IFT81: variants seen among roughly 807,000 people sequenced by gnomAD.
IFT81 encodes intraflagellar transport protein 81 homolog.
A neutral mutation model predicts 102.6 loss-of-function variants in IFT81; 72 were observed. The observed-to-expected ratio is 0.70, with a 90% CI of 0.58 to 0.85. IFT81 has a LOEUF of 0.85. Among genes scored for constraint, IFT81 ranks in the 40% least tolerant of loss-of-function variants. The probability of loss-of-function intolerance (pLI) is 0.00; values close to 1 mark genes in which losing one functional copy is unlikely to be tolerated. For synonymous variants in IFT81, 237 were observed against 242.7 expected, an observed-to-expected ratio of 0.98 and a Z score of 0.22; for missense variants, 723 against 787.3, an observed-to-expected ratio of 0.92 and a Z score of 0.98.
chr12:110,175,750 G>A (rs1897007578), intron 11 of IFT81, among the ~76,000 whole-genome samples: 1 of 152,036 alleles, frequency 6.6e-6, no homozygotes, highest in Non-Finnish European at 1.5e-5. Flanking sequence ...CCAACACTTG[G>A]TATTGAAAGA....
At chr12:110,184,219 G>A (rs1897423366) in intron 12 of IFT81, among the ~76,000 whole-genome samples, 2 of 151,954 alleles carry the variant, frequency 1.3e-5, no homozygotes, top group Admixed American at 6.6e-5. Context: ...GCGTGGTGGC[G>A]GGCACCTGTA....
In IFT81 at chr12:110,162,947, C is replaced by A; in HGVS notation, c.1070C>A (p.Ala357Asp). 6.2e-7 allele frequency: 1 copy of A among 1,613,356 alleles called. No homozygotes were observed. Among genetic ancestry groups the A allele is most frequent in the Non-Finnish European group, 8.5e-7 (1 of 1,179,726 alleles). ...QASIISRKKE[A>D]KAEELQEAKE... ...TCTATCATTTCCCGTAAAAAAGAAG[C>A]CAAAGCTGAGGAACTTCAGGAGGCC... Residue 357 changes from alanine to aspartate, a missense_variant, in exon 11 of 19, where the codon GCC becomes GAC. By Grantham distance (126) the Ala-to-Asp change is moderately radical. Coordinates refer to ENST00000242591, the MANE Select transcript of IFT81 (RefSeq NM_014055.4).
chr12:110,152,634 G>A (rs1895605411), intron 10 of IFT81, among the ~76,000 whole-genome samples: 1 of 151,538 alleles, frequency 6.6e-6, no homozygotes, highest in South Asian at 2.1e-4. Context: ...TTAGAGATAG[G>A]GTCTCACTCT....
intron 5 of IFT81, among the ~76,000 whole-genome samples, chr12:110,134,174 A>AT (rs1183365902): frequency 6.6e-6 from 1 of 152,128 alleles, no homozygotes; most frequent in African/African-American, 2.4e-5. Flanking sequence ...CTAGTTTTGT[A>AT]TTTTTAGTAG....
intron 11 of IFT81, among the ~76,000 whole-genome samples, chr12:110,165,304 A>G (rs1896375245): frequency 6.6e-6 from 1 of 152,200 alleles, no homozygotes; most frequent in Non-Finnish European, 1.5e-5. Context: ...TGATAAAGTG[A>G]TAGGCCATAT....
intron 13 of IFT81, 139 bp downstream of exon 13, chr12:110,191,187 T>G: frequency 1.3e-6 from 1 of 797,508 alleles, no homozygotes; most frequent in Non-Finnish European, 1.8e-6. Flanking sequence ...TTTTTTCTTT[T>G]TGAGGCAGAG....
At chr12:110,149,899 A>T (rs983601946) in intron 10 of IFT81, among the ~76,000 whole-genome samples, 1 of 151,904 alleles carries the variant, frequency 6.6e-6, no homozygotes, top group Non-Finnish European at 1.5e-5. Flanking sequence ...GGCATGGCAG[A>T]CCAGGGTGGT....
rs1486033806 is a variant in IFT81, at chr12:110,128,148, A to G, written c.247A>G (p.Met83Val). 2.5e-6 allele frequency: 4 copies of G among 1,585,138 alleles called. No individual in the cohort carries two copies. Among genetic ancestry groups the G allele is most frequent in the African/African-American group, 1.3e-5 (1 of 74,496 alleles). ...CAAACCTTCAGGAAATGCCACAGAT[A>G]TGTAAGAATCTGATCACGTATTGAG... is the stretch of plus-strand genomic sequence containing the variant. ...KYKPSGNATD[M>V]STFRQGLVIG... Residue 83 changes from methionine (M) to valine (V), a missense_variant and splice_region_variant, in exon 3 of 19, where the codon ATG becomes GTG. Physicochemically the swap from Met to Val is conservative, Grantham distance 21. Coordinates refer to ENST00000242591, the MANE Select transcript of IFT81 (RefSeq NM_014055.4).
At chr12:110,191,973 C>T (rs1255581064) in intron 13 of IFT81, among the ~76,000 whole-genome samples, 3 of 152,054 alleles carry the variant, frequency 2.0e-5, no homozygotes, top group African/African-American at 7.2e-5. Context: ...GAGTTCGAGA[C>T]CAGCCTGGCC....
chr12:110,167,226 A>G (rs1457436749), intron 11 of IFT81, among the ~76,000 whole-genome samples: 1 of 152,134 alleles, frequency 6.6e-6, no homozygotes, highest in African/African-American at 2.4e-5. Context: ...TTCTGGAAGT[A>G]CTTCCCCCCC....
chr12:110,130,365 C>CTTTT (rs557142989), intron 4 of IFT81, among the ~76,000 whole-genome samples: 1 of 139,124 alleles, frequency 7.2e-6, no homozygotes, highest in Non-Finnish European at 1.6e-5. Flanking sequence ...TTGATTAAGT[C>CTTTT]TTTTTTTTTT....
intron 11 of IFT81, chr12:110,168,619 C>T (rs1357577605): frequency 5.2e-6 from 1 of 190,942 alleles, no homozygotes; most frequent in Admixed American, 6.5e-5. Flanking sequence ...TGCCAGAGTC[C>T]CACATGAGGG....
intron 12 of IFT81, among the ~76,000 whole-genome samples, chr12:110,185,014 C>G (rs1423018791): frequency 1.3e-5 from 2 of 152,170 alleles, no homozygotes; most frequent in Non-Finnish European, 2.9e-5. Context: ...CCCAATTCAC[C>G]ACAAGTGAAA....
intron 14 of IFT81, among the ~76,000 whole-genome samples, chr12:110,202,503 AG>A (rs1264423403): frequency 6.7e-6 from 1 of 149,032 alleles, no homozygotes; most frequent in Non-Finnish European, 1.5e-5. Context: ...GCCAGGCTGG[AG>A]TGCAGTGGTG....
intron 13 of IFT81, among the ~76,000 whole-genome samples, chr12:110,192,105 AG>A (rs1897825023): frequency 6.7e-6 from 1 of 150,288 alleles, no homozygotes; most frequent in Admixed American, 6.7e-5. Context: ...TGGGAAGCAG[AG>A]GTTGCAGTGA....
At chr12:110,191,791 C>T (rs547462989) in intron 13 of IFT81, among the ~76,000 whole-genome samples, 2 of 152,122 alleles carry the variant, frequency 1.3e-5, no homozygotes, top group African/African-American at 4.8e-5. Context: ...AGAGTACCCC[C>T]CTCCAGTTGT....
chr12:110,196,892 A>C (rs1054549181), intron 14 of IFT81, among the ~76,000 whole-genome samples: 1 of 151,840 alleles, frequency 6.6e-6, no homozygotes, highest in Non-Finnish European at 1.5e-5. Flanking sequence ...TTTTTGTCTT[A>C]TGTATGTCTC....
chr12:110,189,218 A>C (rs552129270), intron 12 of IFT81, among the ~76,000 whole-genome samples: 42 of 151,826 alleles, frequency 2.8e-4, no homozygotes, highest in Admixed American at 7.2e-4. Context: ...TTCTATCTTC[A>C]CTTCCTTGGT....
intron 4 of IFT81, among the ~76,000 whole-genome samples, chr12:110,131,274 C>A (rs1265178837): frequency 6.6e-6 from 1 of 151,770 alleles, no homozygotes; most frequent in East Asian, 1.9e-4. Context: ...CAGAGTGAAA[C>A]CCTGTCTCAA....
Sources: allele counts gnomAD v4.1 joint callset (sites outside exome capture counted in the v4.1 genomes callset), GRCh38; gene constraint gnomAD v4.1.1; transcripts MANE v1.5; gene names NCBI Gene and HGNC (gene_info 2026-07-23, HGNC 2026-07-21).